LIN28B: variants seen among roughly 807,000 people sequenced by gnomAD.
LIN28B encodes the protein lin-28 RNA binding posttranscriptional regulator B, also known as protein lin-28 homolog B.
A neutral mutation model predicts 21.9 loss-of-function variants in LIN28B; 5 were observed. The ratio of observed to expected loss-of-function variants is 0.23; its 90% CI spans 0.12 to 0.48. LIN28B has a LOEUF of 0.48. Ranked by LOEUF, LIN28B falls within the 20% of genes least tolerant of loss-of-function variation. LIN28B has a pLI of 0.98. For synonymous variants in LIN28B, 109 were observed against 111.3 expected (o/e 0.98, Z 0.13); for missense variants, 245 against 310.5 (o/e 0.79, Z 1.58).
intron 2 of LIN28B, among the ~76,000 whole-genome samples, chr6:104,947,080 A>G (rs1297259632): frequency 6.6e-6 from 1 of 152,096 alleles, no homozygotes; most frequent in Non-Finnish European, 1.5e-5. Context: ...GTAGTAATTT[A>G]TTTTTATTTA....
At chr6:105,060,146 G>T (rs980030035) in intron 3 of LIN28B, among the ~76,000 whole-genome samples, 1 of 152,114 alleles carries the variant, frequency 6.6e-6, no homozygotes, top group Non-Finnish European at 1.5e-5. Context: ...CAGGTGATCC[G>T]CCTGCCTTGG....
chr6:104,943,937 A>G (rs778991547), intron 2 of LIN28B, among the ~76,000 whole-genome samples: 25 of 152,170 alleles, frequency 1.6e-4, no homozygotes, highest in Non-Finnish European at 2.4e-4. Flanking sequence ...ATGTACTTGT[A>G]TACATGTACA....
At chr6:105,018,267 A>G (rs1771068996) in intron 2 of LIN28B, among the ~76,000 whole-genome samples, 1 of 152,178 alleles carries the variant, frequency 6.6e-6, no homozygotes, top group Non-Finnish European at 1.5e-5. Flanking sequence ...AGCCTGGGCA[A>G]AGAGTGAGAC....
chr6:104,938,831 T>C (rs1043436739), intron 2 of LIN28B, among the ~76,000 whole-genome samples: 4 of 152,154 alleles, frequency 2.6e-5, no homozygotes, highest in Admixed American at 6.5e-5. Context: ...TATTATAATG[T>C]CCCATTTTTT....
At chr6:105,002,736 GA>G (rs1770743615) in intron 2 of LIN28B, among the ~76,000 whole-genome samples, 1 of 152,204 alleles carries the variant, frequency 6.6e-6, no homozygotes, top group Non-Finnish European at 1.5e-5. Context: ...GTATATTGAA[GA>G]GAAGCTATTT....
intron 2 of LIN28B, among the ~76,000 whole-genome samples, chr6:104,942,161 A>G (rs1349758478): frequency 6.6e-6 from 1 of 152,212 alleles, no homozygotes; most frequent in Non-Finnish European, 1.5e-5. Context: ...AAAATAAATT[A>G]TACTCCTATT....
chr6:105,029,443 G>A (rs1366086559), intron 3 of LIN28B, among the ~76,000 whole-genome samples: 1 of 152,158 alleles, frequency 6.6e-6, no homozygotes, highest in Non-Finnish European at 1.5e-5. Context: ...CAAACCTGGA[G>A]GAAAGGCGTA....
chr6:105,012,763 A>G (rs957602436), intron 2 of LIN28B, among the ~76,000 whole-genome samples: 1 of 152,152 alleles, frequency 6.6e-6, no homozygotes, highest in African/African-American at 2.4e-5. Flanking sequence ...ATTATGGATA[A>G]ACCCCTAATA....
intron 2 of LIN28B, among the ~76,000 whole-genome samples, chr6:104,993,230 G>C (rs1770531428): frequency 6.6e-6 from 1 of 152,162 alleles, no homozygotes; most frequent in Non-Finnish European, 1.5e-5. Flanking sequence ...CACTTAGGAA[G>C]ACTGAGGTGG....
At chr6:105,043,109 G>C (rs190412393) in intron 3 of LIN28B, among the ~76,000 whole-genome samples, 138 of 152,098 alleles carry the variant, frequency 9.1e-4, no homozygotes, top group Non-Finnish European at 9.1e-4. Flanking sequence ...AGCTTAATGA[G>C]AGATATACAG....
At chr6:104,999,331 A>G (rs1035283779) in intron 2 of LIN28B, among the ~76,000 whole-genome samples, 1 of 151,846 alleles carries the variant, frequency 6.6e-6, no homozygotes, top group African/African-American at 2.4e-5. Context: ...TAGAGATGGG[A>G]TCTTGCTATG....
chr6:104,981,743 A>G (rs1770231060), intron 2 of LIN28B, among the ~76,000 whole-genome samples: 1 of 152,188 alleles, frequency 6.6e-6, no homozygotes, highest in African/African-American at 2.4e-5. Context: ...TTTAATGTCA[A>G]TCCCAAGATA....
chr6:104,954,088 C>T (rs1044588389), upstream of LIN28B, among the ~76,000 whole-genome samples: 2 of 152,086 alleles, frequency 1.3e-5, no homozygotes, highest in African/African-American at 4.8e-5. Flanking sequence ...TTCTTTGTAG[C>T]TACTTGAACT....
intron 2 of LIN28B, among the ~76,000 whole-genome samples, chr6:104,989,576 G>GTTTTTTTTTTTTTTTTTTT (rs34394074): frequency 4.0e-4 from 24 of 60,596 alleles, no homozygotes; most frequent in Admixed American, 1.4e-3. Flanking sequence ...TTTTACTTGG[G>GTTTTTTTTTTTTTTTTTTT]TTTTTTTTTT....
chr6:104,942,078 G>A (rs1475120), intron 2 of LIN28B, among the ~76,000 whole-genome samples: 75,019 of 151,952 alleles, frequency 0.49, 19,605 homozygotes, highest in East Asian at 0.7. Context: ...TTTTAAGGTT[G>A]CCAAGTGTCA....
At chr6:104,949,104 C>T (rs967230248) in intron 2 of LIN28B, among the ~76,000 whole-genome samples, 21 of 151,082 alleles carry the variant, frequency 1.4e-4, no homozygotes, top group African/African-American at 4.4e-4. Flanking sequence ...GGCTTGAATT[C>T]TTCTCTAAAT....
rs1201753313 is a variant in LIN28B at position 105,082,243 on chromosome 6, A to G, written c.*3460A>G. 1 of 152,652 alleles carries G rather than the reference A, an allele frequency of 6.6e-6. No individual in the cohort carries two copies. The highest frequency in any genetic ancestry group is 2.4e-5 in the African/African-American group (1 of 41,464). 9.5% of individuals were successfully genotyped at this position (152,652 alleles called of 1,614,324 possible). A position where few individuals can be genotyped will look rare whatever the true frequency, so the allele number is the denominator to read the frequency against. ...TTTAGAGTGCAATGTAAGAAAAAAG[A>G]TCAAGAAATGTCATGTTATTAGCAT... On this transcript the variant is annotated 3_prime_UTR_variant, in exon 4 of 4. Coordinates refer to ENST00000345080, the MANE Select transcript of LIN28B (RefSeq NM_001004317.4).
chr6:104,999,035 G>A (rs569193955), intron 2 of LIN28B, among the ~76,000 whole-genome samples: 8 of 152,090 alleles, frequency 5.3e-5, no homozygotes, highest in Admixed American at 1.3e-4. Context: ...AACAAGCATC[G>A]TTATCGAAAA....
At chr6:105,075,171 A>G (rs941060164) in intron 3 of LIN28B, among the ~76,000 whole-genome samples, 8 of 152,226 alleles carry the variant, frequency 5.3e-5, no homozygotes, top group East Asian at 1.9e-4. Flanking sequence ...GTGTGAGACT[A>G]TGTCCTTATA....
Sources: allele counts gnomAD v4.1 joint callset (sites outside exome capture counted in the v4.1 genomes callset), GRCh38; gene constraint gnomAD v4.1.1; transcripts MANE v1.5; gene names NCBI Gene and HGNC (gene_info 2026-07-23, HGNC 2026-07-21).